DGKB: variants seen among roughly 807,000 people sequenced by gnomAD.
DGKB encodes diacylglycerol kinase beta.
DGKB carries 67 observed loss-of-function variants against 114.3 expected under a neutral mutation model. That is an observed-to-expected ratio of 0.59 (90% CI 0.48 to 0.72). The LOEUF is 0.72. Ranked by LOEUF, DGKB falls within the 30% of genes least tolerant of loss-of-function variation. The probability of loss-of-function intolerance (pLI) is 0.00; values close to 1 mark genes in which losing one functional copy is unlikely to be tolerated. For missense variants in DGKB, 907 were observed against 975.2 expected (o/e 0.93, Z 0.93); for synonymous variants, 398 against 323.1 (o/e 1.23, Z -2.49).
intron 21 of DGKB, among the ~76,000 whole-genome samples, chr7:14,398,679 G>C (rs1822617375): frequency 6.6e-6 from 1 of 151,878 alleles, no homozygotes; most frequent in South Asian, 2.1e-4. Flanking sequence ...AGCCAGAATA[G>C]AGATTAGAAG....
chr7:14,538,595 T>C lies in DGKB; in HGVS notation c.1770+35617A>G, dbSNP rs963771543. 5.3e-5 allele frequency among the ~76,000 whole-genome samples: 8 copies of C among 152,112 alleles called. No homozygotes were observed. In the East Asian group the frequency reaches 1.2e-3, roughly 22 times the overall value. ...GTATAGAGATTCCTCAAAAAAAAAATTGAACTACCATATGTTCTAGTGATC... is the reference window on the plus strand; with the variant it reads ...GTATAGAGATTCCTCAAAAAAAAAACTGAACTACCATATGTTCTAGTGATC... On this transcript the variant is annotated intron_variant, in intron 20 of 25. Transcript: ENST00000402815.
intron 23 of DGKB, among the ~76,000 whole-genome samples, chr7:14,293,482 ATTG>A (rs748627352): frequency 2.0e-5 from 3 of 152,200 alleles, no homozygotes; most frequent in Non-Finnish European, 2.9e-5. Context: ...TATGCCATTT[ATTG>A]TTATTTAAAA....
chr7:14,795,095 A>C (rs1349935243), intron 2 of DGKB, among the ~76,000 whole-genome samples: 1 of 152,220 alleles, frequency 6.6e-6, no homozygotes, highest in Non-Finnish European at 1.5e-5. Flanking sequence ...GGTGAGGTAC[A>C]ATGTGTGACC....
intron 23 of DGKB, among the ~76,000 whole-genome samples, chr7:14,227,968 A>G (rs763461732): frequency 3.9e-5 from 6 of 152,072 alleles, no homozygotes; most frequent in Non-Finnish European, 8.8e-5. Context: ...TCTGACAAGA[A>G]TATCAATTAA....
At chr7:14,554,789 A>G (rs1795641954) in intron 20 of DGKB, among the ~76,000 whole-genome samples, 1 of 152,114 alleles carries the variant, frequency 6.6e-6, no homozygotes, top group Non-Finnish European at 1.5e-5. Context: ...ATTGTTAACT[A>G]AAAATATTAG....
chr7:14,425,017 G>T (rs1229599021), intron 21 of DGKB, among the ~76,000 whole-genome samples: 1 of 151,934 alleles, frequency 6.6e-6, no homozygotes, highest in African/African-American at 2.4e-5. Flanking sequence ...TCTATAACTT[G>T]GTTGATGTAG....
At chr7:14,206,675 T>G (rs1322249111) in intron 23 of DGKB, among the ~76,000 whole-genome samples, 1 of 152,042 alleles carries the variant, frequency 6.6e-6, no homozygotes, top group Non-Finnish European at 1.5e-5. Context: ...CCTGCTGAAA[T>G]GTAGTTTCTA....
chr7:14,374,041 T>C (rs1430287116), intron 21 of DGKB, among the ~76,000 whole-genome samples: 2 of 151,832 alleles, frequency 1.3e-5, no homozygotes, highest in African/African-American at 4.8e-5. Context: ...CAGCTCATGC[T>C]CTCCTCTTCT....
chr7:14,695,494 C>CTCTTTTTTTT (rs1823671843), intron 8 of DGKB, among the ~76,000 whole-genome samples: 3 of 75,156 alleles, frequency 4.0e-5, no homozygotes, highest in Non-Finnish European at 6.9e-5. Context: ...CTCTCTCTCT[C>CTCTTTTTTTT]TTTTTTTTTT....
intron 23 of DGKB, among the ~76,000 whole-genome samples, chr7:14,291,016 C>T (rs748956828): frequency 4.6e-5 from 7 of 151,830 alleles, no homozygotes; most frequent in Non-Finnish European, 1.0e-4. Context: ...GTGGCACACG[C>T]CTGTAATCCC....
intron 21 of DGKB, among the ~76,000 whole-genome samples, chr7:14,421,862 T>C (rs903240831): frequency 1.1e-4 from 17 of 152,008 alleles, no homozygotes; most frequent in Non-Finnish European, 2.2e-4. Context: ...CAAACAAATA[T>C]GGGGCTCAGA....
At chr7:14,861,295 T>C (rs750528106) in intron 1 of DGKB, among the ~76,000 whole-genome samples, 10 of 151,224 alleles carry the variant, frequency 6.6e-5, no homozygotes, top group Middle Eastern at 6.9e-3. Flanking sequence ...CGTTACTACA[T>C]AGATTTTTTG....
intron 20 of DGKB, among the ~76,000 whole-genome samples, chr7:14,530,105 C>G (rs1991689): frequency 0.17 from 26,459 of 151,354 alleles, 3,705 homozygotes; most frequent in East Asian, 0.54. Context: ...TGCTTTACAT[C>G]AAAATGTCAA....
At chr7:14,370,860 T>G (rs545882218) in intron 21 of DGKB, among the ~76,000 whole-genome samples, 2 of 152,234 alleles carry the variant, frequency 1.3e-5, no homozygotes, top group South Asian at 2.1e-4. Context: ...ATTGTTGCCA[T>G]GTTTGTCCAT....
chr7:14,771,835 T>G lies in DGKB; in HGVS notation c.71-14104A>C, dbSNP rs185022328. Among the ~76,000 whole-genome samples the G allele has an allele frequency of 1.1e-3, 166 of 152,234 alleles. 1 individual carries two copies. The highest frequency in any genetic ancestry group is 5.3e-3 in the Admixed American group (81 of 15,276). The stretch of plus-strand genomic sequence containing the variant: ...TTTCCAGATCCAGGAGATAATCAAC[T>G]AAGCGCCAGGCACCCTTTTAGGTCT... On this transcript the variant is annotated intron_variant, in intron 2 of 25. Coordinates refer to ENST00000402815, the MANE Select transcript of DGKB (RefSeq NM_001350709.2).
chr7:14,455,502 A>C (rs1172200236), intron 21 of DGKB, among the ~76,000 whole-genome samples: 1 of 152,012 alleles, frequency 6.6e-6, no homozygotes, highest in African/African-American at 2.4e-5. Context: ...AGTGCAAAGA[A>C]ATTACATGAC....
At chr7:14,748,031 A>C (rs1833608564) in intron 4 of DGKB, among the ~76,000 whole-genome samples, 1 of 152,216 alleles carries the variant, frequency 6.6e-6, no homozygotes, top group African/African-American at 2.4e-5. Context: ...AAGAGAAGAC[A>C]CTAGTATTCA....
chr7:14,255,259 G>A (rs1249225587), intron 23 of DGKB, among the ~76,000 whole-genome samples: 5 of 151,604 alleles, frequency 3.3e-5, no homozygotes, highest in Non-Finnish European at 7.4e-5. Flanking sequence ...TTTAAGCCTT[G>A]GAAAAAATAA....
intron 22 of DGKB, among the ~76,000 whole-genome samples, chr7:14,341,462 T>C (rs1811588194): frequency 1.3e-5 from 2 of 151,804 alleles, no homozygotes; most frequent in Admixed American, 1.3e-4. Flanking sequence ...ATTTATGACT[T>C]TTAAAAAGGT....
Sources: allele counts gnomAD v4.1 joint callset (sites outside exome capture counted in the v4.1 genomes callset), GRCh38; gene constraint gnomAD v4.1.1; transcripts MANE v1.5; gene names NCBI Gene and HGNC (gene_info 2026-07-23, HGNC 2026-07-21).